The following SYT7 variants were observed in gnomAD, a reference collection of about 807,000 sequenced individuals.
SYT7 encodes the protein synaptotagmin-7.
SYT7 carries 29 observed loss-of-function variants against 75.1 expected under a neutral mutation model. That is an observed-to-expected ratio of 0.39 (90% CI 0.29 to 0.53). SYT7 has a LOEUF of 0.53. SYT7 is among the 20% of genes least tolerant of loss of function. The probability of loss-of-function intolerance (pLI) is 0.77; values close to 1 mark genes in which losing one functional copy is unlikely to be tolerated. For synonymous variants in SYT7, 376 were observed against 401.7 expected, an observed-to-expected ratio of 0.94 and a Z score of 0.76; for missense variants, 693 against 953.2, an observed-to-expected ratio of 0.73 and a Z score of 3.59.
chr11:61,587,136 C>G, the SYT7 span, among the ~76,000 whole-genome samples: 5 of 152,316 alleles, frequency 3.3e-5, no homozygotes, highest in Middle Eastern at 6.8e-3. Flanking sequence ...CCACCTCCCC[C>G]GGGGACTCAG....
rs1015180731 is a variant in SYT7 at position 61,546,117 on chromosome 11, G to A, written c.486C>T (p.Ser162=). The change falls in exon 5 of 13, where the codon AGC becomes AGT. Residue 162 remains serine (S), a synonymous_variant. Coordinates refer to ENST00000539008, the MANE Select transcript of SYT7 (RefSeq NM_001365809.2). This position sits in a 1 kb window ranked among gnomAD's most constrained non-coding sequence, Gnocchi z 7.6. ...DALRSGGAAP[S]EPGSGGKAGR... ...CCGCCTTGCCACCGCTGCCCGGCTC[G>A]CTGGGGGCAGCCCCGCCGCTTCTCA... The A allele has an allele frequency of 6.5e-6, 10 of 1,529,784 alleles. No individual in the cohort carries two copies. In the African/African-American group the frequency reaches 9.7e-5, roughly 15 times the overall value. 94.8% of individuals were successfully genotyped at this position (1,529,784 alleles called of 1,614,324 possible). A position where few individuals can be genotyped will look rare whatever the true frequency, so the allele number is the denominator to read the frequency against.
intron 6 of SYT7, chr11:61,541,176 T>C (rs1019975509): frequency 4.1e-6 from 4 of 985,684 alleles, no homozygotes; most frequent in Non-Finnish European, 3.6e-6. Flanking sequence ...AGAATCCCTA[T>C]ATCTTGCCAA....
At chr11:61,581,536 G>A (rs1448861647), upstream of SYT7, among the ~76,000 whole-genome samples, 1 of 152,248 alleles carries the variant, frequency 6.6e-6, no homozygotes, top group Non-Finnish European at 1.5e-5. Context: ...GTCAGCTCCG[G>A]ACTCAACACC....
upstream of SYT7, among the ~76,000 whole-genome samples, chr11:61,583,201 C>A (rs754711596): frequency 6.6e-6 from 1 of 151,638 alleles, no homozygotes; most frequent in Admixed American, 6.6e-5. Context: ...CCCTCCAACC[C>A]GGGCAACAGA....
chr11:61,540,754 C>A (rs540548694), intron 6 of SYT7: 18 of 985,506 alleles, frequency 1.8e-5, no homozygotes, highest in Non-Finnish European at 2.0e-5. Flanking sequence ...TGGGGAGGAG[C>A]AAGGACGTGC....
In SYT7 at chr11:61,523,835, C is replaced by T; in HGVS notation, c.1748G>A (p.Gly583Asp). The T allele has an allele frequency of 6.2e-7, 1 of 1,613,870 alleles. No homozygotes were observed. Reference protein sequence around the residue: ...ARNLKAMDIGGTSDPYVKVWL... With the variant: ...ARNLKAMDIGDTSDPYVKVWL... ...CTGGAGAAGCCCCGTACCTGATGTG[C>T]CCCCGATGTCCATGGCTTTGAGGTT... The change falls in exon 11 of 13, where the codon GGC becomes GAC. Residue 583 changes from glycine to aspartate, a missense_variant. Gly to Asp is a moderately conservative substitution (Grantham distance 94, BLOSUM62 -1). Transcript: ENST00000539008. This position sits in a 1 kb window ranked among gnomAD's most constrained non-coding sequence, Gnocchi z 5.0.
At position 61,580,984 on chromosome 11, in the gene SYT7, G is replaced by A; in HGVS notation, c.-164C>T. The A allele has an allele frequency of 1.0e-6, 1 of 972,880 alleles. No homozygotes were observed. Among genetic ancestry groups the A allele is most frequent in the Non-Finnish European group, 1.2e-6 (1 of 820,570 alleles). 60.3% of individuals were successfully genotyped at this position (972,880 alleles called of 1,614,324 possible). A position where few individuals can be genotyped will look rare whatever the true frequency, so the allele number is the denominator to read the frequency against. On this transcript the variant is annotated 5_prime_UTR_variant, in exon 1 of 13. Transcript: ENST00000539008. This position sits in a 1 kb window ranked among gnomAD's most constrained non-coding sequence, Gnocchi z 6.1. Reference sequence around the variant, plus strand: ...GCCGCGGAGCCGGGGAGCGGGGGCCGCCCGCCAGCCCTCCCGCCCGCCCGC... The same window carrying A: ...GCCGCGGAGCCGGGGAGCGGGGGCCACCCGCCAGCCCTCCCGCCCGCCCGC...
intron 12 of SYT7, among the ~76,000 whole-genome samples, chr11:61,520,400 C>A (rs533254462): frequency 6.6e-6 from 1 of 152,088 alleles, no homozygotes; most frequent in South Asian, 2.1e-4. Context: ...GTGGTACGTG[C>A]CTGGAGTCCC....
chr11:61,569,388 G>A (rs2063859147), intron 1 of SYT7, among the ~76,000 whole-genome samples: 1 of 152,072 alleles, frequency 6.6e-6, no homozygotes, highest in South Asian at 2.1e-4. Flanking sequence ...TGGAAGAAGG[G>A]AGGCAGGGAT....
At position 61,542,866 on chromosome 11, in the gene SYT7, C is replaced by T. The variant is rs57130939; in HGVS notation, c.573-287G>A. On this transcript the variant is annotated intron_variant, in intron 5 of 12. Coordinates refer to ENST00000539008, the MANE Select transcript of SYT7 (RefSeq NM_001365809.2). The surrounding 1 kb of genome is among the most constrained non-coding windows in gnomAD (Gnocchi z 7.8). ...AATACCTCCTGGCTAGGCCGACCTCCCTGCCGGTCTGAGTGGGCTGCGAGT... is the reference window on the plus strand; with the variant it reads ...AATACCTCCTGGCTAGGCCGACCTCTCTGCCGGTCTGAGTGGGCTGCGAGT... 0.031 allele frequency among the ~76,000 whole-genome samples: 4,668 copies of T among 152,324 alleles called. 262 individuals carry two copies. Among genetic ancestry groups the T allele is most frequent in the African/African-American group, 0.11 (4,471 of 41,562 alleles).
chr11:61,517,830 A>C lies in SYT7; in HGVS notation c.*797T>G. 5.3e-5 allele frequency: 12 copies of C among 225,076 alleles called. No individual in the cohort carries two copies. The highest frequency in any genetic ancestry group is 6.9e-5 in the Non-Finnish European group (8 of 116,504). The allele number at this position is 225,076 out of a possible 1,614,324, so 13.9% of individuals were successfully genotyped here. On this transcript the variant is annotated 3_prime_UTR_variant, in exon 13 of 13. Transcript: ENST00000539008. ...CTTCAGATTCTGAGCAGAGGGGGGC[A>C]CCAAGGGGAGAAGGGGAGGAGACGG...
Position 61,516,447 on chromosome 11 carries a change from TG to T in SYT7, c.*2179del, listed in dbSNP as rs1297730308. The stretch of plus-strand genomic sequence containing the variant: ...CCCCGCCCACTCGATACAAGTTGGT[TG>T]GATCCCCAGGGCGAAGGCGCCTGGA... On this transcript the variant is annotated 3_prime_UTR_variant, in exon 13 of 13. Coordinates refer to ENST00000539008, the MANE Select transcript of SYT7 (RefSeq NM_001365809.2). The surrounding 1 kb of genome is among the most constrained non-coding windows in gnomAD (Gnocchi z 4.6). The T allele has an allele frequency of 6.6e-6, 1 of 152,032 alleles. No individual in the cohort carries two copies. Among genetic ancestry groups the T allele is most frequent in the African/African-American group, 2.4e-5 (1 of 41,364 alleles). 9.4% of individuals were successfully genotyped at this position (152,032 alleles called of 1,614,324 possible).
intron 12 of SYT7, 118 bp from the exon 13 acceptor site, chr11:61,518,849 C>G (rs1409159712): frequency 3.1e-6 from 2 of 636,102 alleles, no homozygotes; most frequent in Admixed American, 3.6e-5. Context: ...CCCCAGCCTC[C>G]ACATGCTGTG....
chr11:61,526,606 C>T (rs1485244242), intron 9 of SYT7: 6 of 152,216 alleles, frequency 3.9e-5, no homozygotes, highest in Non-Finnish European at 7.3e-5. Context: ...ATCCCCAGTA[C>T]GTAGAAGAGT....
At chr11:61,540,507 G>A (rs995176561) in intron 6 of SYT7, 15 of 985,336 alleles carry the variant, frequency 1.5e-5, no homozygotes, top group African/African-American at 5.2e-5. Context: ...AAAGTTGGCC[G>A]ACCCTTGAGG....
Position 61,542,821 on chromosome 11 carries a change from C to A in SYT7, c.573-242G>T, listed in dbSNP as rs2063085926. Among the ~76,000 whole-genome samples the A allele has an allele frequency of 6.6e-6, 1 of 152,198 alleles. No individual in the cohort carries two copies. Among genetic ancestry groups the A allele is most frequent in the African/African-American group, 2.4e-5 (1 of 41,456 alleles). On this transcript the variant is annotated intron_variant, in intron 5 of 12. Transcript: ENST00000539008. This position sits in a 1 kb window ranked among gnomAD's most constrained non-coding sequence, Gnocchi z 7.8. Reference sequence around the variant, plus strand: ...CGGCTCTGCCCACCCACCTTCTGGCCCTGGCTCAGCTAGTGCCAGAATACC... The same window carrying A: ...CGGCTCTGCCCACCCACCTTCTGGCACTGGCTCAGCTAGTGCCAGAATACC...
At chr11:61,586,868 T>G in the SYT7 span, among the ~76,000 whole-genome samples, 1 of 152,120 alleles carries the variant, frequency 6.6e-6, no homozygotes, top group Admixed American at 6.5e-5. Flanking sequence ...CCCCCAGCAT[T>G]TCCTGTGGCT....
At chr11:61,585,086 C>T (rs112737873), upstream of SYT7, among the ~76,000 whole-genome samples, 1,434 of 152,310 alleles carry the variant, frequency 9.4e-3, 21 homozygotes, top group African/African-American at 0.032. Flanking sequence ...GAGGGACATT[C>T]TGTCCCTCAG....
intron 12 of SYT7, among the ~76,000 whole-genome samples, chr11:61,522,201 T>C (rs2062361026): frequency 6.6e-6 from 1 of 151,188 alleles, no homozygotes; most frequent in South Asian, 2.1e-4. Flanking sequence ...TTTTTTTTTT[T>C]TTTTTTTCAG....
Sources: allele counts gnomAD v4.1 joint callset (sites outside exome capture counted in the v4.1 genomes callset), GRCh38; gene constraint gnomAD v4.1.1; non-coding constraint Gnocchi (gnomAD v3.1); transcripts MANE v1.5; gene names NCBI Gene and HGNC (gene_info 2026-07-23, HGNC 2026-07-21).